Variants in PANX1 observed in about 807,000 individuals in gnomAD.
PANX1 encodes the protein pannexin 1.
A neutral mutation model predicts 38.7 loss-of-function variants in PANX1; 30 were observed. The observed-to-expected ratio is 0.78, with a 90% CI of 0.58 to 1.05. PANX1 has a LOEUF of 1.05. Among genes scored for constraint, PANX1 ranks in the 50% least tolerant of loss-of-function variants. The pLI is 0.00. For missense variants in PANX1, 551 were observed against 517.2 expected, an observed-to-expected ratio of 1.07 and a Z score of -0.63; for synonymous variants, 230 against 212.2, an observed-to-expected ratio of 1.08 and a Z score of -0.73.
intron 1 of PANX1, among the ~76,000 whole-genome samples, chr11:94,134,419 A>G (rs1048744663): frequency 6.6e-6 from 1 of 152,138 alleles, no homozygotes; most frequent in African/African-American, 2.4e-5. Context: ...GAAATTCTAG[A>G]AGTATTTCTC....
chr11:94,144,743 G>A (rs911859143), intron 1 of PANX1, among the ~76,000 whole-genome samples: 1 of 151,984 alleles, frequency 6.6e-6, no homozygotes, highest in Non-Finnish European at 1.5e-5. Flanking sequence ...TCTCCTCCCT[G>A]GCCATTCATC....
At position 94,172,651 on chromosome 11, in the gene PANX1, C is replaced by T. The variant is rs971752991; in HGVS notation, c.322-5718C>T. Reference sequence around the variant, plus strand: ...AGCAGCTGCAACAGAGACCATGTAGCTCTCAAACCTGTAATATTTACTCTC... The same window carrying T: ...AGCAGCTGCAACAGAGACCATGTAGTTCTCAAACCTGTAATATTTACTCTC... On this transcript the variant is annotated intron_variant, in intron 2 of 4. Coordinates refer to ENST00000227638, the MANE Select transcript of PANX1 (RefSeq NM_015368.4). Among the ~76,000 whole-genome samples the T allele has an allele frequency of 5.9e-5, 9 of 151,724 alleles. 1 individual carries two copies. Among genetic ancestry groups the T allele is most frequent in the African/African-American group, 2.2e-4 (9 of 40,994 alleles).
intron 1 of PANX1, among the ~76,000 whole-genome samples, chr11:94,141,246 A>G (rs1946758754): frequency 6.6e-6 from 1 of 152,230 alleles, no homozygotes; most frequent in Non-Finnish European, 1.5e-5. Flanking sequence ...ATACCAGTTT[A>G]CACTCCCATC....
intron 1 of PANX1, among the ~76,000 whole-genome samples, chr11:94,149,579 T>G (rs1565376235): frequency 6.6e-6 from 1 of 152,230 alleles, no homozygotes; most frequent in Non-Finnish European, 1.5e-5. Flanking sequence ...CTCTGCACTC[T>G]CAGCCAAGTG....
In PANX1 at chr11:94,177,798, G is replaced by A. The variant is rs1384355978; in HGVS notation, c.322-571G>A. On this transcript the variant is annotated intron_variant, in intron 2 of 4. Transcript: ENST00000227638. ...ATGAGGGTGTTGGACTGCCTTCAAA[G>A]TCTGTTCCACATTCATTCTGCATTC... is the stretch of plus-strand genomic sequence containing the variant. 1.3e-5 allele frequency among the ~76,000 whole-genome samples: 2 copies of A among 151,970 alleles called. 1 individual carries two copies. Among genetic ancestry groups the A allele is most frequent in the Admixed American group, 1.3e-4 (2 of 15,218 alleles).
intron 1 of PANX1, among the ~76,000 whole-genome samples, chr11:94,134,244 G>A (rs1946662142): frequency 6.6e-6 from 1 of 152,210 alleles, no homozygotes; most frequent in Non-Finnish European, 1.5e-5. Context: ...TGTGCAAGCT[G>A]CTGGGAGACA....
chr11:94,165,808 G>A (rs932992497), intron 2 of PANX1, among the ~76,000 whole-genome samples: 12 of 152,186 alleles, frequency 7.9e-5, no homozygotes, highest in Non-Finnish European at 1.8e-4. Flanking sequence ...TACTCGGGAG[G>A]CTGAGGCAGA....
intron 1 of PANX1, among the ~76,000 whole-genome samples, chr11:94,152,763 G>A (rs1285022204): frequency 1.3e-5 from 2 of 152,192 alleles, no homozygotes; most frequent in African/African-American, 4.8e-5. Flanking sequence ...GCAGAGAGAT[G>A]TAATCTTCAG....
At chr11:94,136,641 G>A (rs951692977) in intron 1 of PANX1, among the ~76,000 whole-genome samples, 5 of 151,916 alleles carry the variant, frequency 3.3e-5, no homozygotes, top group Non-Finnish European at 7.4e-5. Context: ...GGTGGCGGGC[G>A]CCTGTAGTCC....
intron 1 of PANX1, among the ~76,000 whole-genome samples, chr11:94,147,624 G>T (rs1946842285): frequency 6.6e-6 from 1 of 152,202 alleles, no homozygotes; most frequent in East Asian, 1.9e-4. Flanking sequence ...TTAGCGGGCT[G>T]CGTTGTTCAT....
intron 2 of PANX1, among the ~76,000 whole-genome samples, chr11:94,161,743 G>C (rs964518536): frequency 6.6e-6 from 1 of 152,174 alleles, no homozygotes; most frequent in Non-Finnish European, 1.5e-5. Context: ...TCTCCGTCCA[G>C]ATTTCTTCTG....
chr11:94,175,635 C>A, intron 2 of PANX1: 2 of 563,914 alleles, frequency 3.5e-6, no homozygotes, highest in Non-Finnish European at 4.5e-6. Context: ...GAATGCCTGG[C>A]TTTCGTGGTT....
chr11:94,150,963 T>C (rs1197683889), intron 1 of PANX1, among the ~76,000 whole-genome samples: 2 of 152,100 alleles, frequency 1.3e-5, no homozygotes, highest in Non-Finnish European at 2.9e-5. Flanking sequence ...TGAGAGAAAC[T>C]GGGAGTTGGA....
At chr11:94,154,884 T>C (rs1383993485) in intron 2 of PANX1, among the ~76,000 whole-genome samples, 1 of 152,182 alleles carries the variant, frequency 6.6e-6, no homozygotes, top group Non-Finnish European at 1.5e-5. Context: ...TTATTAAGAA[T>C]ATTATAAGGA....
At chr11:94,144,014 G>T (rs1946796547) in intron 1 of PANX1, among the ~76,000 whole-genome samples, 1 of 152,080 alleles carries the variant, frequency 6.6e-6, no homozygotes, top group African/African-American at 2.4e-5. Context: ...GGGATTATAG[G>T]GGTGACCCAT....
At chr11:94,160,230 A>C (rs1439945862) in intron 2 of PANX1, among the ~76,000 whole-genome samples, 1 of 152,156 alleles carries the variant, frequency 6.6e-6, no homozygotes, top group Non-Finnish European at 1.5e-5. Context: ...AGTTCTGTAG[A>C]TGTCTATTAA....
chr11:94,160,424 A>C (rs904811339), intron 2 of PANX1, among the ~76,000 whole-genome samples: 3 of 152,110 alleles, frequency 2.0e-5, no homozygotes, highest in Non-Finnish European at 4.4e-5. Context: ...TTGGGTGCAT[A>C]TATATTTAGG....
At chr11:94,139,870 A>G (rs1227227973) in intron 1 of PANX1, among the ~76,000 whole-genome samples, 5 of 152,204 alleles carry the variant, frequency 3.3e-5, no homozygotes. Context: ...TGTATCCTTT[A>G]AAAGATCCTT....
At chr11:94,150,495 C>T (rs768542807) in intron 1 of PANX1, among the ~76,000 whole-genome samples, 1 of 152,178 alleles carries the variant, frequency 6.6e-6, no homozygotes, top group Non-Finnish European at 1.5e-5. Context: ...TGTGGAAATA[C>T]ATTTGAAAAA....
Sources: allele counts gnomAD v4.1 joint callset (sites outside exome capture counted in the v4.1 genomes callset), GRCh38; gene constraint gnomAD v4.1.1; transcripts MANE v1.5; gene names NCBI Gene and HGNC (gene_info 2026-07-23, HGNC 2026-07-21).